The following SHROOM3 variants were observed in gnomAD, a reference collection of about 807,000 sequenced individuals.
SHROOM3 encodes shroom family member 3, also known as protein Shroom3.
Under a neutral mutation model 138.6 loss-of-function variants are expected in SHROOM3, and 47 were observed. The observed-to-expected ratio is 0.34, with a 90% CI of 0.27 to 0.43. The LOEUF is 0.43. SHROOM3 is among the 20% of genes least tolerant of loss of function. SHROOM3 has a pLI of 1.00. For missense variants in SHROOM3, 2,491 were observed against 2,596.5 expected (o/e 0.96, Z 0.88); for synonymous variants, 1,062 against 1,063.3 (o/e 1.00, Z 0.02).
chr4:76,746,909 C>T (rs937603241), intron 5 of SHROOM3, among the ~76,000 whole-genome samples: 10 of 151,684 alleles, frequency 6.6e-5, no homozygotes, highest in South Asian at 2.1e-4. Flanking sequence ...CTTTGCCTCC[C>T]GGGTTCACGC....
chr4:76,621,731 CTTGT>C (rs1325421276), intron 2 of SHROOM3, among the ~76,000 whole-genome samples: 1 of 152,028 alleles, frequency 6.6e-6, no homozygotes, highest in African/African-American at 2.4e-5. Flanking sequence ...GTTTATGCTG[CTTGT>C]TTCAGAACTG....
chr4:76,649,908 A>T (rs1735915794), intron 2 of SHROOM3, among the ~76,000 whole-genome samples: 1 of 152,230 alleles, frequency 6.6e-6, no homozygotes, highest in Non-Finnish European at 1.5e-5. Flanking sequence ...CTTAAGCAAC[A>T]GAAATGTATT....
At chr4:76,764,076 G>A (rs1311857381) in intron 9 of SHROOM3, among the ~76,000 whole-genome samples, 4 of 152,174 alleles carry the variant, frequency 2.6e-5, no homozygotes, top group Non-Finnish European at 5.9e-5. Context: ...AGGAACTAGA[G>A]TCTTGGTTTA....
intron 2 of SHROOM3, among the ~76,000 whole-genome samples, chr4:76,672,555 C>T (rs1180075148): frequency 6.6e-6 from 1 of 151,278 alleles, no homozygotes; most frequent in Non-Finnish European, 1.5e-5. Context: ...GATATGTCAC[C>T]ATTTTGTAAA....
At chr4:76,564,473 G>T (rs1258708288) in intron 2 of SHROOM3, among the ~76,000 whole-genome samples, 1 of 152,104 alleles carries the variant, frequency 6.6e-6, no homozygotes, top group Admixed American at 6.6e-5. Context: ...GGCTTCTTTG[G>T]ACTTCTAGGC....
intron 2 of SHROOM3, among the ~76,000 whole-genome samples, chr4:76,684,970 C>T (rs1046625012): frequency 6.6e-6 from 1 of 152,104 alleles, no homozygotes; most frequent in Admixed American, 6.5e-5. Flanking sequence ...TGGTTGTTCA[C>T]TTGTTTTTCA....
At chr4:76,600,554 A>G (rs898133782) in intron 2 of SHROOM3, among the ~76,000 whole-genome samples, 4 of 152,214 alleles carry the variant, frequency 2.6e-5, no homozygotes, top group African/African-American at 7.2e-5. Flanking sequence ...CTACCAGTCC[A>G]TGGCTTCAGC....
chr4:76,498,285 A>T (rs772748360), intron 1 of SHROOM3, among the ~76,000 whole-genome samples: 30 of 152,206 alleles, frequency 2.0e-4, no homozygotes, highest in Non-Finnish European at 4.3e-4. Context: ...GTCATGATGT[A>T]TGCGTACTTT....
At chr4:76,672,192 G>A (rs886394303) in intron 2 of SHROOM3, among the ~76,000 whole-genome samples, 4 of 151,980 alleles carry the variant, frequency 2.6e-5, no homozygotes, top group South Asian at 2.1e-4. Context: ...AAGATTTTCC[G>A]TTCTAATTCT....
intron 5 of SHROOM3, among the ~76,000 whole-genome samples, chr4:76,745,301 A>G (rs1721399971): frequency 6.6e-6 from 1 of 152,246 alleles, no homozygotes; most frequent in Non-Finnish European, 1.5e-5. Flanking sequence ...GATTTAAAAT[A>G]TAGTAGAGAC....
intron 2 of SHROOM3, among the ~76,000 whole-genome samples, chr4:76,649,617 A>G (rs550512554): frequency 2.0e-5 from 3 of 152,342 alleles, no homozygotes; most frequent in East Asian, 3.9e-4. Flanking sequence ...AATAAAGACA[A>G]ATATCAGAAG....
Position 76,596,368 on chromosome 4 carries a change from C to T in SHROOM3, c.323+40605C>T, listed in dbSNP as rs60134658. ...TAGAGGCTACAGTGAGCTGTGATCA[C>T]ACCACCGTACTCCAGCCTGGGCAAC... On this transcript the variant is annotated intron_variant, in intron 2 of 10. Coordinates refer to ENST00000296043, the MANE Select transcript of SHROOM3 (RefSeq NM_020859.4). Among the ~76,000 whole-genome samples the T allele has an allele frequency of 2.4e-3, 370 of 152,180 alleles. 2 individuals carry two copies. The highest frequency in any genetic ancestry group is 8.2e-3 in the African/African-American group (341 of 41,502).
chr4:76,569,916 T>C (rs538792597), intron 2 of SHROOM3, among the ~76,000 whole-genome samples: 3 of 152,110 alleles, frequency 2.0e-5, no homozygotes, highest in Non-Finnish European at 4.4e-5. Context: ...GTCAACCCCA[T>C]GAATCTTTCC....
At chr4:76,566,736 C>T (rs1199555267) in intron 2 of SHROOM3, among the ~76,000 whole-genome samples, 1 of 152,212 alleles carries the variant, frequency 6.6e-6, no homozygotes, top group East Asian at 1.9e-4. Context: ...CAAAGAGAAA[C>T]ACCTGGTTCC....
At chr4:76,472,670 A>G (rs773409109) in intron 1 of SHROOM3, among the ~76,000 whole-genome samples, 3 of 150,676 alleles carry the variant, frequency 2.0e-5, no homozygotes, top group Non-Finnish European at 4.4e-5. Context: ...GATATTCCTG[A>G]ATAAACCTTG....
chr4:76,648,605 A>G (rs1172455890), intron 2 of SHROOM3, among the ~76,000 whole-genome samples: 2 of 152,122 alleles, frequency 1.3e-5, no homozygotes, highest in Admixed American at 1.3e-4. Flanking sequence ...GAAAGAGCTC[A>G]CTACTTCCCT....
chr4:76,778,730 C>T, intron 10 of SHROOM3, 79 bp from the exon 11 acceptor site: 1 of 1,589,568 alleles, frequency 6.3e-7, no homozygotes, highest in Admixed American at 1.7e-5. Context: ...CCAGTCCTGT[C>T]AGAGGTGTCC....
intron 6 of SHROOM3, 135 bp from the exon 7 acceptor site, chr4:76,754,176 G>A: frequency 9.0e-7 from 1 of 1,116,704 alleles, no homozygotes; most frequent in Non-Finnish European, 1.3e-6. Context: ...AGGGAAGACA[G>A]TGTGCAGTTT....
intron 2 of SHROOM3, among the ~76,000 whole-genome samples, chr4:76,578,353 T>G (rs1480701061): frequency 6.6e-6 from 1 of 152,222 alleles, no homozygotes; most frequent in Non-Finnish European, 1.5e-5. Flanking sequence ...AGATCCTCTA[T>G]GCAGAAGCAG....
Sources: allele counts gnomAD v4.1 joint callset (sites outside exome capture counted in the v4.1 genomes callset), GRCh38; gene constraint gnomAD v4.1.1; transcripts MANE v1.5; gene names NCBI Gene and HGNC (gene_info 2026-07-23, HGNC 2026-07-21).